SERPINI1: variants seen among roughly 807,000 people sequenced by gnomAD.
The protein encoded by SERPINI1 is serpin family I member 1.
In SERPINI1, 19 loss-of-function variants were observed where a neutral mutation model predicts 41.1. The ratio of observed to expected loss-of-function variants is 0.46; its 90% confidence interval spans 0.32 to 0.68. The LOEUF (loss-of-function observed/expected upper bound fraction) is 0.68, where lower values mean the gene tolerates loss of function less well. Ranked by LOEUF, SERPINI1 falls within the 30% of genes least tolerant of loss-of-function variation. The probability of loss-of-function intolerance (pLI) is 0.03; values close to 1 mark genes in which losing one functional copy is unlikely to be tolerated. For synonymous variants in SERPINI1, 138 were observed against 156.6 expected (o/e 0.88, Z 0.89); for missense variants, 460 against 479.2 (o/e 0.96, Z 0.37).
intron 1 of SERPINI1, among the ~76,000 whole-genome samples, chr3:167,772,823 ACTCTCTCTCT>A (rs1172788769): frequency 0.042 from 1,001 of 23,646 alleles, 44 homozygotes; most frequent in African/African-American, 0.067. Context: ...GTATCTTGAG[ACTCTCTCTCT>A]CTCTCTCTCT....
At chr3:167,766,483 C>T (rs140903211) in intron 1 of SERPINI1, among the ~76,000 whole-genome samples, 10 of 152,308 alleles carry the variant, frequency 6.6e-5, no homozygotes, top group East Asian at 3.9e-4. Context: ...TCCCACAACA[C>T]GTGGGAATTA....
At chr3:167,772,477 T>C (rs1282448812) in intron 1 of SERPINI1, among the ~76,000 whole-genome samples, 1 of 152,140 alleles carries the variant, frequency 6.6e-6, no homozygotes, top group Non-Finnish European at 1.5e-5. Context: ...GCTTTTCTTA[T>C]TGGGATTTTA....
intron 1 of SERPINI1, among the ~76,000 whole-genome samples, chr3:167,753,556 C>A (rs1577400463): frequency 6.6e-6 from 1 of 152,206 alleles, no homozygotes; most frequent in Middle Eastern, 3.4e-3. Context: ...CCTTGGGACC[C>A]TATGAAGATT....
intron 6 of SERPINI1, among the ~76,000 whole-genome samples, chr3:167,821,662 C>T (rs143561066): frequency 6.6e-6 from 1 of 152,186 alleles, no homozygotes. Flanking sequence ...GCACAATGAA[C>T]CCAGCAGGCC....
intron 2 of SERPINI1, 131 bp from the exon 3 acceptor site, chr3:167,790,241 G>A: frequency 1.4e-6 from 1 of 694,072 alleles, no homozygotes. Flanking sequence ...CAATGTGGGG[G>A]AAAGCCTGGC....
At chr3:167,746,766 G>C (rs1377785189) in intron 1 of SERPINI1, among the ~76,000 whole-genome samples, 1 of 152,186 alleles carries the variant, frequency 6.6e-6, no homozygotes, top group Admixed American at 6.5e-5. Flanking sequence ...ACAATAAAAA[G>C]TACTGGTGAG....
intron 1 of SERPINI1, among the ~76,000 whole-genome samples, chr3:167,764,294 G>C (rs757844694): frequency 3.3e-5 from 5 of 152,102 alleles, no homozygotes; most frequent in Admixed American, 6.5e-5. Flanking sequence ...ATTTATACAG[G>C]GAAAAGGGTT....
intron 6 of SERPINI1, among the ~76,000 whole-genome samples, chr3:167,817,863 T>A (rs1712165832): frequency 6.6e-6 from 1 of 152,026 alleles, no homozygotes; most frequent in African/African-American, 2.4e-5. Flanking sequence ...CCTCCCAAAG[T>A]GCTGGGATTA....
chr3:167,757,680 A>G (rs1445918847), intron 1 of SERPINI1, among the ~76,000 whole-genome samples: 5 of 152,170 alleles, frequency 3.3e-5, no homozygotes, highest in Non-Finnish European at 7.4e-5. Flanking sequence ...GCACTTCGGG[A>G]GGTTGAGGCA....
intron 6 of SERPINI1, among the ~76,000 whole-genome samples, chr3:167,822,210 A>AT (rs909048937): frequency 6.6e-6 from 1 of 152,200 alleles, no homozygotes; most frequent in African/African-American, 2.4e-5. Flanking sequence ...CGCTAGTCAT[A>AT]TTGGATTAGG....
At chr3:167,771,638 AAC>A (rs1048599198) in intron 1 of SERPINI1, among the ~76,000 whole-genome samples, 3 of 152,194 alleles carry the variant, frequency 2.0e-5, no homozygotes, top group African/African-American at 7.2e-5. Flanking sequence ...TTTTAGTTAA[AAC>A]ATTTAAGTAC....
intron 5 of SERPINI1, among the ~76,000 whole-genome samples, chr3:167,795,207 G>C (rs1031651809): frequency 1.3e-5 from 2 of 152,100 alleles, no homozygotes; most frequent in Admixed American, 1.3e-4. Context: ...TAACACTTAA[G>C]ATTGATTATG....
intron 5 of SERPINI1, among the ~76,000 whole-genome samples, chr3:167,801,394 T>A (rs1159106404): frequency 6.6e-6 from 1 of 152,250 alleles, no homozygotes; most frequent in Non-Finnish European, 1.5e-5. Flanking sequence ...TTAATGTTTA[T>A]AATTTATGAA....
intron 1 of SERPINI1, among the ~76,000 whole-genome samples, chr3:167,767,974 A>C (rs1726619470): frequency 6.6e-6 from 1 of 152,200 alleles, no homozygotes; most frequent in African/African-American, 2.4e-5. Context: ...AAGAATTTAG[A>C]CTATTACAAA....
rs536899838 is a variant in SERPINI1 at position 167,776,153 on chromosome 3, A to G, written c.-18-12958A>G. On this transcript the variant is annotated intron_variant, in intron 1 of 8. Transcript: ENST00000446050. ...CATTAATGCCTGGCTTCGTTCCACAATGGCCTTGGGCCACATGCAACCTTG... is the reference window on the plus strand; with the variant it reads ...CATTAATGCCTGGCTTCGTTCCACAGTGGCCTTGGGCCACATGCAACCTTG... Among the ~76,000 whole-genome samples the G allele has an allele frequency of 7.9e-5, 12 of 152,310 alleles. No individual in the cohort carries two copies. In the South Asian group the frequency reaches 1.5e-3, roughly 18 times the overall value.
At chr3:167,775,084 C>G (rs1323495712) in intron 1 of SERPINI1, among the ~76,000 whole-genome samples, 3 of 151,934 alleles carry the variant, frequency 2.0e-5, no homozygotes, top group Non-Finnish European at 4.4e-5. Context: ...GTTTCCAGTT[C>G]TGACTGTTCA....
chr3:167,785,110 A>G (rs973233399), intron 1 of SERPINI1, among the ~76,000 whole-genome samples: 1 of 152,052 alleles, frequency 6.6e-6, no homozygotes, highest in Admixed American at 6.6e-5. Context: ...GCGTGGTGGC[A>G]TGCGCCTGTA....
chr3:167,772,864 C>CTATATATATATATATATATATATATATA (rs1161668820), intron 1 of SERPINI1, among the ~76,000 whole-genome samples: 1 of 24,644 alleles, frequency 4.1e-5, no homozygotes, highest in Non-Finnish European at 6.5e-5. Flanking sequence ...CTCTCTCTCT[C>CTATATATATATATATATATATATATATA]TATATATATA....
At chr3:167,779,678 G>A (rs373096157) in intron 1 of SERPINI1, among the ~76,000 whole-genome samples, 18 of 152,078 alleles carry the variant, frequency 1.2e-4, no homozygotes, top group African/African-American at 3.6e-4. Context: ...TTTTTCTTCC[G>A]GTAAATTAAC....
Sources: allele counts gnomAD v4.1 joint callset (sites outside exome capture counted in the v4.1 genomes callset), GRCh38; gene constraint gnomAD v4.1.1; transcripts MANE v1.5; gene names NCBI Gene and HGNC (gene_info 2026-07-23, HGNC 2026-07-21).